The following ADGRL2 variants were observed in gnomAD, a reference collection of about 807,000 sequenced individuals.
ADGRL2 encodes adhesion G protein-coupled receptor L2, also known as calcium-independent alpha-latrotoxin receptor 2.
Under a neutral mutation model 157.4 loss-of-function variants are expected in ADGRL2, and 44 were observed. That is an observed-to-expected ratio of 0.28 (90% CI 0.22 to 0.36). ADGRL2 has a LOEUF of 0.36. Ranked by LOEUF, ADGRL2 falls within the 10% of genes least tolerant of loss-of-function variation. The probability of loss-of-function intolerance (pLI) is 1.00; values close to 1 mark genes in which losing one functional copy is unlikely to be tolerated. For synonymous variants in ADGRL2, 585 were observed against 624.7 expected, an observed-to-expected ratio of 0.94 and a Z score of 0.95; for missense variants, 1,510 against 1,768.9, an observed-to-expected ratio of 0.85 and a Z score of 2.63.
chr1:81,310,684 C>T (rs1263197393), intron 1 of ADGRL2, among the ~76,000 whole-genome samples: 1 of 151,882 alleles, frequency 6.6e-6, no homozygotes, highest in Non-Finnish European at 1.5e-5. Flanking sequence ...TCAGTTTTGC[C>T]CAGATTAGCC....
intron 1 of ADGRL2, chr1:81,306,554 G>C (rs929671649): frequency 2.6e-5 from 4 of 152,086 alleles, no homozygotes; most frequent in Middle Eastern, 6.8e-3. Context: ...TGCCTCCACT[G>C]TCTGCTCATT....
At chr1:81,452,558 G>A (rs1480312772) in intron 2 of ADGRL2, among the ~76,000 whole-genome samples, 2 of 152,256 alleles carry the variant, frequency 1.3e-5, no homozygotes, top group Admixed American at 6.5e-5. Context: ...TGACTTGTAA[G>A]GGCTAAAAAC....
chr1:81,617,963 G>A (rs1370924181), intron 3 of ADGRL2, among the ~76,000 whole-genome samples: 2 of 152,114 alleles, frequency 1.3e-5, no homozygotes, highest in African/African-American at 4.8e-5. Flanking sequence ...AACCTTAGAT[G>A]GCTATAGACC....
At chr1:81,311,179 G>T (rs1659728951) in intron 1 of ADGRL2, among the ~76,000 whole-genome samples, 1 of 152,154 alleles carries the variant, frequency 6.6e-6, no homozygotes, top group Non-Finnish European at 1.5e-5. Flanking sequence ...CATTAGATAA[G>T]ACGTACATTT....
At chr1:81,557,447 G>GA (rs1380196202) in intron 2 of ADGRL2, 9 of 123,832 alleles carry the variant, frequency 7.3e-5, no homozygotes, top group Admixed American at 5.3e-4. Flanking sequence ...AAGAAAGAAA[G>GA]AGAGAAAGAA....
chr1:81,566,148 TAAG>T (rs960496306), intron 2 of ADGRL2, among the ~76,000 whole-genome samples: 31 of 152,164 alleles, frequency 2.0e-4, no homozygotes, highest in African/African-American at 5.6e-4. Flanking sequence ...CAGAGAGTTA[TAAG>T]AAGAAGGAAA....
chr1:81,375,801 T>C (rs984749089), intron 1 of ADGRL2, among the ~76,000 whole-genome samples: 4 of 152,132 alleles, frequency 2.6e-5, no homozygotes, highest in Non-Finnish European at 5.9e-5. Context: ...AGCTATAATA[T>C]AGCAGTGGCC....
intron 2 of ADGRL2, among the ~76,000 whole-genome samples, chr1:81,861,002 A>G (rs2093369035): frequency 6.8e-6 from 1 of 146,506 alleles, no homozygotes; most frequent in South Asian, 2.1e-4. Flanking sequence ...GGATATGTAC[A>G]TATTTCACTG....
chr1:81,555,010 A>G (rs1296385834), intron 2 of ADGRL2, among the ~76,000 whole-genome samples: 3 of 152,070 alleles, frequency 2.0e-5, no homozygotes, highest in Admixed American at 1.3e-4. Context: ...CTTGGGGTGC[A>G]GCAAAATGGG....
intron 2 of ADGRL2, chr1:81,502,243 A>C: frequency 6.8e-6 from 11 of 1,612,124 alleles, no homozygotes; most frequent in Non-Finnish European, 9.3e-6. Flanking sequence ...AACAAGCTAA[A>C]GAAGACCATA....
At chr1:81,314,056 T>C (rs1053951837) in intron 1 of ADGRL2, among the ~76,000 whole-genome samples, 5 of 152,214 alleles carry the variant, frequency 3.3e-5, no homozygotes, top group African/African-American at 1.2e-4. Context: ...CAGTGCAAAA[T>C]GCTGATTATC....
chr1:81,373,594 A>G (rs760121055), intron 1 of ADGRL2, among the ~76,000 whole-genome samples: 4 of 152,224 alleles, frequency 2.6e-5, no homozygotes, highest in Non-Finnish European at 5.9e-5. Flanking sequence ...AGTATCTAGG[A>G]CCACAAAACA....
chr1:81,620,522 A>G (rs1419455009), intron 3 of ADGRL2, among the ~76,000 whole-genome samples: 1 of 152,234 alleles, frequency 6.6e-6, no homozygotes, highest in African/African-American at 2.4e-5. Context: ...CCACCATAAC[A>G]TATTATCTCC....
At chr1:81,645,501 C>T (rs996376635) in intron 3 of ADGRL2, among the ~76,000 whole-genome samples, 5 of 151,960 alleles carry the variant, frequency 3.3e-5, no homozygotes, top group Non-Finnish European at 5.9e-5. Flanking sequence ...ACCTTCAATC[C>T]CAGAGGTAGA....
chr1:81,400,172 T>TC (rs1234016686), intron 1 of ADGRL2, among the ~76,000 whole-genome samples: 1 of 151,918 alleles, frequency 6.6e-6, no homozygotes, highest in Non-Finnish European at 1.5e-5. Context: ...TGTTCCCATT[T>TC]CCCCCCAGTG....
At chr1:81,924,701 A>T (rs555602574) in intron 3 of ADGRL2, among the ~76,000 whole-genome samples, 25 of 152,190 alleles carry the variant, frequency 1.6e-4, no homozygotes, top group African/African-American at 5.5e-4. Context: ...TGATTGAGGT[A>T]TATGGGAGGA....
intron 17 of ADGRL2, among the ~76,000 whole-genome samples, chr1:81,977,924 T>C (rs1660637803): frequency 6.6e-6 from 1 of 151,898 alleles, no homozygotes; most frequent in Non-Finnish European, 1.5e-5. Context: ...AGGATTTTAA[T>C]TGTGAATCTG....
intron 1 of ADGRL2, among the ~76,000 whole-genome samples, chr1:81,335,085 G>C (rs1046572611): frequency 6.6e-6 from 1 of 152,170 alleles, no homozygotes; most frequent in East Asian, 1.9e-4. Flanking sequence ...CTTGCCCAAG[G>C]TTGTATCTAT....
intron 1 of ADGRL2, among the ~76,000 whole-genome samples, chr1:81,709,676 G>C (rs139925154): frequency 5.9e-5 from 9 of 152,012 alleles, no homozygotes; most frequent in African/African-American, 2.2e-4. Flanking sequence ...TGTTTCCTCA[G>C]TTCCCAGTTT....
Sources: gnomAD v4.1 joint callset for allele counts (sites outside exome capture counted in the v4.1 genomes callset) on GRCh38, gnomAD v4.1.1 for gene constraint, MANE v1.5 for transcripts, NCBI Gene and HGNC (gene_info 2026-07-23, HGNC 2026-07-21) for gene names.